The following DNAH7 variants were observed in gnomAD, a reference collection of about 807,000 sequenced individuals.
DNAH7 encodes dynein axonemal heavy chain 7, also known as axonemal beta dynein heavy chain 7.
Under a neutral mutation model 444.6 loss-of-function variants are expected in DNAH7, and 397 were observed. That is an observed-to-expected ratio of 0.89 (90% CI 0.82 to 0.97). The LOEUF (loss-of-function observed/expected upper bound fraction) is 0.97. Among genes scored for constraint, DNAH7 ranks in the 50% least tolerant of loss-of-function variants. The pLI is 0.00. For missense variants in DNAH7, 4,902 were observed against 4,800.8 expected (o/e 1.02, Z -0.62); for synonymous variants, 1,636 against 1,624.4 (o/e 1.01, Z -0.17).
At chr2:195,813,050 T>C (rs77406948) in intron 51 of DNAH7, among the ~76,000 whole-genome samples, 1 of 152,326 alleles carries the variant, frequency 6.6e-6, no homozygotes, top group Non-Finnish European at 1.5e-5. Flanking sequence ...CCATGCCCTG[T>C]GGTCATCAAT....
chr2:195,998,138 G>A (rs1693813284), intron 12 of DNAH7, among the ~76,000 whole-genome samples: 1 of 152,128 alleles, frequency 6.6e-6, no homozygotes, highest in South Asian at 2.1e-4. Context: ...TTGATACCAT[G>A]AAAAACATCT....
intron 35 of DNAH7, among the ~76,000 whole-genome samples, 165 bp from the exon 36 acceptor site, chr2:195,882,157 T>C (rs558919891): frequency 4.7e-4 from 71 of 152,346 alleles, no homozygotes; most frequent in African/African-American, 1.7e-3. Flanking sequence ...AAATTGTACA[T>C]GTAAATTAAG....
intron 35 of DNAH7, among the ~76,000 whole-genome samples, chr2:195,882,879 T>C (rs1701472465): frequency 6.6e-6 from 1 of 152,134 alleles, no homozygotes; most frequent in South Asian, 2.1e-4. Context: ...TGCATGGCAC[T>C]CCTTGGGCCA....
chr2:195,790,249 C>A (rs1695817045), intron 57 of DNAH7, among the ~76,000 whole-genome samples: 1 of 152,016 alleles, frequency 6.6e-6, no homozygotes, highest in Non-Finnish European at 1.5e-5. Flanking sequence ...TGGCCATACA[C>A]CCCAAAGCAA....
At chr2:195,909,743 C>A (rs1266156358) in intron 25 of DNAH7, among the ~76,000 whole-genome samples, 1 of 152,146 alleles carries the variant, frequency 6.6e-6, no homozygotes, top group Non-Finnish European at 1.5e-5. Flanking sequence ...ACGATGCAAT[C>A]GTTCTCAAAC....
intron 21 of DNAH7, among the ~76,000 whole-genome samples, chr2:195,927,026 T>C (rs1688376802): frequency 6.6e-6 from 1 of 152,108 alleles, no homozygotes; most frequent in Non-Finnish European, 1.5e-5. Context: ...CACACAATCT[T>C]TCTCAAGTTA....
At chr2:195,860,500 A>C (rs1265523601) in intron 42 of DNAH7, among the ~76,000 whole-genome samples, 1 of 152,166 alleles carries the variant, frequency 6.6e-6, no homozygotes, top group Non-Finnish European at 1.5e-5. Flanking sequence ...GGTAGTTGAA[A>C]AATTCCTAAA....
intron 56 of DNAH7, chr2:195,795,721 T>C (rs1559102318): frequency 6.6e-6 from 1 of 152,308 alleles, no homozygotes. Context: ...TATTGCTTGA[T>C]TGTATCCTAT....
At chr2:195,967,899 A>C (rs1485584246) in intron 17 of DNAH7, among the ~76,000 whole-genome samples, 1 of 151,906 alleles carries the variant, frequency 6.6e-6, no homozygotes, top group South Asian at 2.1e-4. Context: ...TTGGTGTTCT[A>C]TTCTACTAAG....
intron 9 of DNAH7, among the ~76,000 whole-genome samples, chr2:196,018,058 G>A (rs1194783884): frequency 6.6e-6 from 1 of 152,094 alleles, no homozygotes; most frequent in African/African-American, 2.4e-5. Context: ...ACTAGACACA[G>A]AACTGAAACC....
chr2:196,068,444 TC>T (rs1559386917), intron 1 of DNAH7: 1 of 549,066 alleles, frequency 1.8e-6, no homozygotes, highest in East Asian at 3.1e-5. Flanking sequence ...GGGCTGTGGC[TC>T]CCCCTGCTGG....
intron 10 of DNAH7, among the ~76,000 whole-genome samples, 190 bp downstream of exon 10, chr2:196,012,597 T>C (rs1694785863): frequency 6.6e-6 from 1 of 152,146 alleles, no homozygotes; most frequent in East Asian, 1.9e-4. Flanking sequence ...TTTTAGTTTC[T>C]GCACAATCTA....
chr2:195,780,298 T>G (rs17442708), intron 58 of DNAH7, among the ~76,000 whole-genome samples: 19,219 of 152,196 alleles, frequency 0.13, 1,512 homozygotes, highest in Middle Eastern at 0.26. Flanking sequence ...TGATCTATGT[T>G]TTTCTAATTT....
At chr2:195,785,191 G>A (rs924189362) in intron 58 of DNAH7, among the ~76,000 whole-genome samples, 5 of 152,138 alleles carry the variant, frequency 3.3e-5, no homozygotes, top group Non-Finnish European at 5.9e-5. Context: ...GATTACAGGC[G>A]TGAGCCACCG....
intron 46 of DNAH7, among the ~76,000 whole-genome samples, chr2:195,851,325 A>G (rs767356370): frequency 1.7e-4 from 26 of 152,228 alleles, no homozygotes; most frequent in Non-Finnish European, 3.4e-4. Context: ...TAAGGAAAGT[A>G]AAAATTCAGG....
chr2:195,949,932 T>TACAACATA (rs1310848592), intron 19 of DNAH7, among the ~76,000 whole-genome samples: 18 of 152,338 alleles, frequency 1.2e-4, no homozygotes, highest in African/African-American at 3.8e-4. Context: ...TGAACTAGCC[T>TACAACATA]TGCATCCCAG....
At chr2:195,816,518 G>C in intron 51 of DNAH7, 110 bp downstream of exon 51, 1 of 755,026 alleles carries the variant, frequency 1.3e-6, no homozygotes, top group East Asian at 2.7e-5. Context: ...TTCATTTTAG[G>C]TAAGTGGCTG....
chr2:196,001,888 A>C, intron 10 of DNAH7, 30 bp from the exon 11 acceptor site: 1 of 1,548,392 alleles, frequency 6.5e-7, no homozygotes, highest in Non-Finnish European at 8.8e-7. Context: ...TTTAAAAGTC[A>C]GTGCTTTCAG....
chr2:195,794,434 G>A lies in DNAH7; in HGVS notation c.10620C>T (p.Thr3540=). ...VSVLQNGVKM[T]NEAPKGLRAN... ...CCCGTAAACCTTTTGGTGCTTCATT[G>A]GTCATTTTCACTCCATTCTGCAGTA... Residue 3540 remains threonine, a synonymous_variant, in exon 57 of 65, where the codon ACC becomes ACT. Transcript: ENST00000312428. 3 of 1,614,048 alleles carry A rather than the reference G, an allele frequency of 1.9e-6. No homozygotes were observed. Among genetic ancestry groups the A allele is most frequent in the Non-Finnish European group, 2.5e-6 (3 of 1,179,972 alleles).
Sources: gnomAD v4.1 joint callset for allele counts (sites outside exome capture counted in the v4.1 genomes callset) on GRCh38, gnomAD v4.1.1 for gene constraint, MANE v1.5 for transcripts, NCBI Gene and HGNC (gene_info 2026-07-23, HGNC 2026-07-21) for gene names.